The following FUCA1 variants were observed in gnomAD, a reference collection of about 807,000 sequenced individuals.
FUCA1 encodes the protein tissue alpha-L-fucosidase.
In FUCA1, 52 loss-of-function variants were observed where a neutral mutation model predicts 56.8. That is an observed-to-expected ratio of 0.92 (90% CI 0.73 to 1.15). FUCA1 has a LOEUF of 1.15. FUCA1 is among the 50% of genes most tolerant of loss of function. The pLI is 0.00. For synonymous variants in FUCA1, 230 were observed against 226.6 expected, an observed-to-expected ratio of 1.02 and a Z score of -0.14; for missense variants, 568 against 592.6, an observed-to-expected ratio of 0.96 and a Z score of 0.43.
At chr1:23,849,894 T>A (rs1189840049) in intron 5 of FUCA1, among the ~76,000 whole-genome samples, 10 of 152,116 alleles carry the variant, frequency 6.6e-5, no homozygotes, top group Non-Finnish European at 1.5e-4. Flanking sequence ...AGATACATTC[T>A]TTAAGACTTC....
chr1:23,845,861 G>A lies in FUCA1; in HGVS notation c.1261-6C>T. On this transcript the variant is annotated splice_polypyrimidine_tract_variant and splice_region_variant and intron_variant, in intron 7 of 7. Coordinates refer to ENST00000374479, the MANE Select transcript of FUCA1 (RefSeq NM_000147.5). The stretch of plus-strand genomic sequence containing the variant: ...TGAATTCCCAGCATTGTTATCTGCA[G>A]AAAACAAAAGGGAATGAAACAAACT... 1 of 1,614,088 alleles carries A rather than the reference G, an allele frequency of 6.2e-7. No homozygotes were observed. Among genetic ancestry groups the A allele is most frequent in the Non-Finnish European group, 8.5e-7 (1 of 1,179,982 alleles).
intron 4 of FUCA1, among the ~76,000 whole-genome samples, chr1:23,856,588 C>G (rs1639395327): frequency 6.6e-6 from 1 of 152,166 alleles, no homozygotes; most frequent in African/African-American, 2.4e-5. Context: ...CTCAATAAAT[C>G]CTGGTAGAAA....
At chr1:23,849,558 C>G (rs569063794) in intron 5 of FUCA1, among the ~76,000 whole-genome samples, 1 of 146,496 alleles carries the variant, frequency 6.8e-6, no homozygotes, top group Non-Finnish European at 1.5e-5. Context: ...GGGAAAACTG[C>G]TATAAAGAGA....
At position 23,859,802 on chromosome 1, in the gene FUCA1, A is replaced by T. The variant is rs1456526129; in HGVS notation, c.764T>A (p.Val255Asp). Residue 255 changes from valine to aspartate, a missense_variant, in exon 4 of 8, where the codon GTC (valine) becomes GAC (aspartate). Transcript: ENST00000374479. ...FLSWLYNDSPVKDEVVVNDRW... is the reference protein window; with the variant it reads ...FLSWLYNDSPDKDEVVVNDRW... ...AGAAGTCATATAATCACATACCTTG[A>T]CAGGGCTGTCATTGTAGAGCCATGA... 1.3e-6 allele frequency: 2 copies of T among 1,594,182 alleles called. No individual in the cohort carries two copies. The highest frequency in any genetic ancestry group is 1.7e-6 in the Non-Finnish European group (2 of 1,162,044).
intron 2 of FUCA1, among the ~76,000 whole-genome samples, chr1:23,864,691 CT>C (rs1639585357): frequency 6.6e-6 from 1 of 150,830 alleles, no homozygotes; most frequent in Non-Finnish European, 1.5e-5. Context: ...TCAGCAAACT[CT>C]TTTTGTCTTT....
At position 23,866,184 on chromosome 1, in the gene FUCA1, T is replaced by C. The variant is rs548470361; in HGVS notation, c.390-559A>G. 2.0e-5 allele frequency among the ~76,000 whole-genome samples: 3 copies of C among 152,288 alleles called. No individual in the cohort carries two copies. In the South Asian group the frequency reaches 6.2e-4, roughly 32 times the overall value. On this transcript the variant is annotated intron_variant, in intron 1 of 7. Coordinates refer to ENST00000374479, the MANE Select transcript of FUCA1 (RefSeq NM_000147.5). ...AAAATTAGCCGGGCATGGTGGTGTGTGCCTGTAGTCCCAGGTATTTGAGAG... is the reference window on the plus strand; with the variant it reads ...AAAATTAGCCGGGCATGGTGGTGTGCGCCTGTAGTCCCAGGTATTTGAGAG...
At chr1:23,854,293 A>T in intron 5 of FUCA1, 67 bp downstream of exon 5, 1 of 1,305,714 alleles carries the variant, frequency 7.7e-7, no homozygotes, top group South Asian at 1.2e-5. Context: ...TGAACATTAT[A>T]TAAAATAAAT....
chr1:23,868,197 C>T lies in FUCA1; in HGVS notation c.90G>A (p.Arg30=). Residue 30 remains arginine (R), a synonymous_variant, in exon 1 of 8, where the codon CGG becomes CGA. Coordinates refer to ENST00000374479, the MANE Select transcript of FUCA1 (RefSeq NM_000147.5). Reference sequence around the variant, plus strand: ...GGGTGTAGCGGCGCGGAGGCTGGGCCCGACGCACCGACTCGGCCGCTCCGA... The same window carrying T: ...GGGTGTAGCGGCGCGGAGGCTGGGCTCGACGCACCGACTCGGCCGCTCCGA... ...LFLGAAESVR[R]AQPPRRYTPD... 1.3e-6 allele frequency: 2 copies of T among 1,598,358 alleles called. No individual in the cohort carries two copies. The highest frequency in any genetic ancestry group is 1.7e-6 in the Non-Finnish European group (2 of 1,173,540).
At chr1:23,846,258 T>A in intron 6 of FUCA1, 85 bp from the exon 7 acceptor site, 1 of 924,936 alleles carries the variant, frequency 1.1e-6, no homozygotes, top group African/African-American at 1.7e-5. Flanking sequence ...TTTTTAATGT[T>A]AATTTTCTTT....
chr1:23,865,437 C>G, intron 2 of FUCA1, 54 bp downstream of exon 2: 2 of 1,612,884 alleles, frequency 1.2e-6, no homozygotes, highest in South Asian at 2.2e-5. Flanking sequence ...AGGTACAGAA[C>G]TCTTGACAGC....
Position 23,867,693 on chromosome 1 carries a change from C to A in FUCA1, c.389+205G>T. Reference sequence around the variant, plus strand: ...CTTCCCAGCCTGCCATCTCCCTGAACCTTCATTTATCAGTCCCCAGTCAAA... The same window carrying A: ...CTTCCCAGCCTGCCATCTCCCTGAAACTTCATTTATCAGTCCCCAGTCAAA... On this transcript the variant is annotated intron_variant, in intron 1 of 7. Coordinates refer to ENST00000374479, the MANE Select transcript of FUCA1 (RefSeq NM_000147.5). This position sits in a 1 kb window ranked among gnomAD's most constrained non-coding sequence, Gnocchi z 4.9. 1 of 983,758 alleles carries A rather than the reference C, an allele frequency of 1.0e-6. No individual in the cohort carries two copies. 60.9% of individuals were successfully genotyped at this position (983,758 alleles called of 1,614,324 possible).
chr1:23,861,366 G>A (rs1639510469), intron 3 of FUCA1, among the ~76,000 whole-genome samples: 1 of 145,814 alleles, frequency 6.9e-6, no homozygotes, highest in Admixed American at 6.9e-5. Context: ...CAGCACACCA[G>A]CATGGCACAT....
chr1:23,846,395 C>A (rs1345378794), intron 6 of FUCA1, among the ~76,000 whole-genome samples: 1 of 151,816 alleles, frequency 6.6e-6, no homozygotes. Context: ...GTTCAGCCTC[C>A]TGAGTCACTG....
At chr1:23,858,979 A>T (rs192867678) in intron 4 of FUCA1, among the ~76,000 whole-genome samples, 1 of 152,040 alleles carries the variant, frequency 6.6e-6, no homozygotes, top group African/African-American at 2.4e-5. Context: ...ATGAGGTCTC[A>T]CTACGTTGCC....
chr1:23,859,742 C>A, intron 4 of FUCA1, 56 bp downstream of exon 4: 1 of 1,136,544 alleles, frequency 8.8e-7, no homozygotes, highest in Non-Finnish European at 1.3e-6. Flanking sequence ...CAGAGTTTGG[C>A]TCCTTGCACT....
At chr1:23,865,890 G>A (rs551365853) in intron 1 of FUCA1, among the ~76,000 whole-genome samples, 21 of 152,206 alleles carry the variant, frequency 1.4e-4, no homozygotes, top group Non-Finnish European at 2.8e-4. Context: ...GAAGGAGTGG[G>A]TAAGGGAAAA....
At chr1:23,863,831 G>A (rs566543841) in intron 2 of FUCA1, among the ~76,000 whole-genome samples, 25 of 152,144 alleles carry the variant, frequency 1.6e-4, no homozygotes, top group Admixed American at 1.1e-3. Context: ...TAGCAAAGGC[G>A]ACAGAGTGAG....
At chr1:23,847,635 T>C (rs905313660) in intron 6 of FUCA1, among the ~76,000 whole-genome samples, 2 of 152,224 alleles carry the variant, frequency 1.3e-5, no homozygotes, top group African/African-American at 2.4e-5. Flanking sequence ...TGTCATGATG[T>C]AGCAGGAAGG....
In FUCA1 at chr1:23,860,578, C is replaced by A. The variant is rs539284701; in HGVS notation, c.663-675G>T. Among the ~76,000 whole-genome samples the A allele has an allele frequency of 2.4e-3, 336 of 137,920 alleles. 1 individual carries two copies. The highest frequency in any genetic ancestry group is 4.5e-3 in the Admixed American group (62 of 13,766). The allele number at this position is 137,920 out of a possible 152,430, so 90.5% of individuals were successfully genotyped here. A position where few individuals can be genotyped will look rare whatever the true frequency, so the allele number is the denominator to read the frequency against. ...CAGCCTGGGCGACGGAGTGAAACTC[C>A]GTCTCAAAAAAAAAAAAAAAAAACA... On this transcript the variant is annotated intron_variant, in intron 3 of 7. Coordinates refer to ENST00000374479, the MANE Select transcript of FUCA1 (RefSeq NM_000147.5).
Sources: allele counts gnomAD v4.1 joint callset (sites outside exome capture counted in the v4.1 genomes callset), GRCh38; gene constraint gnomAD v4.1.1; non-coding constraint Gnocchi (gnomAD v3.1); transcripts MANE v1.5; gene names NCBI Gene and HGNC (gene_info 2026-07-23, HGNC 2026-07-21).